CCDC93: variants seen among roughly 807,000 people sequenced by gnomAD.
The protein encoded by CCDC93 is coiled-coil domain-containing protein 93.
CCDC93 carries 61 observed loss-of-function variants against 108.2 expected under a neutral mutation model. The observed-to-expected ratio is 0.56, with a 90% CI of 0.46 to 0.70. CCDC93 has a LOEUF of 0.70. Among genes scored for constraint, CCDC93 ranks in the 30% least tolerant of loss-of-function variants. The probability of loss-of-function intolerance (pLI) is 0.00; values close to 1 mark genes in which losing one functional copy is unlikely to be tolerated. For synonymous variants in CCDC93, 276 were observed against 260.4 expected, an observed-to-expected ratio of 1.06 and a Z score of -0.58; for missense variants, 685 against 764.2, an observed-to-expected ratio of 0.90 and a Z score of 1.22.
At position 117,917,273 on chromosome 2, in the gene CCDC93, G is replaced by C. The variant is rs894716318; in HGVS notation, c.*3070C>G. 6.6e-6 allele frequency: 1 copy of C among 152,614 alleles called. No individual in the cohort carries two copies. The allele number at this position is 152,614 out of a possible 1,614,324, so 9.5% of individuals were successfully genotyped here. On this transcript the variant is annotated 3_prime_UTR_variant, in exon 24 of 24. Coordinates refer to ENST00000376300, the MANE Select transcript of CCDC93 (RefSeq NM_019044.5). Reference sequence around the variant, plus strand: ...TGCTTCGGTCACTAGAGACGTACTGGGGCCTGACAACATCAACAACGTCAC... The same window carrying C: ...TGCTTCGGTCACTAGAGACGTACTGCGGCCTGACAACATCAACAACGTCAC...
intron 21 of CCDC93, among the ~76,000 whole-genome samples, chr2:117,936,132 CAG>C (rs1470023417): frequency 1.3e-5 from 2 of 151,330 alleles, no homozygotes; most frequent in East Asian, 4.1e-4. Flanking sequence ...AGATTTGTGC[CAG>C]AGAGAAGGGC....
At chr2:118,005,323 T>TG (rs962367975) in intron 3 of CCDC93, among the ~76,000 whole-genome samples, 1 of 151,836 alleles carries the variant, frequency 6.6e-6, no homozygotes, top group African/African-American at 2.4e-5. Flanking sequence ...CAAGAAATGG[T>TG]AAAACTAGCA....
intron 18 of CCDC93, among the ~76,000 whole-genome samples, chr2:117,942,868 TC>T (rs1408778833): frequency 6.6e-6 from 1 of 152,228 alleles, no homozygotes; most frequent in Non-Finnish European, 1.5e-5. Context: ...CAAACAGATC[TC>T]ATTAACACTC....
chr2:117,924,812 C>T (rs1006303261), intron 23 of CCDC93, among the ~76,000 whole-genome samples: 2 of 152,104 alleles, frequency 1.3e-5, no homozygotes, highest in Non-Finnish European at 2.9e-5. Flanking sequence ...AGAGCAACTC[C>T]AAGACACATA....
At chr2:117,996,969 C>T (rs62161849) in intron 4 of CCDC93, 7,223 of 152,422 alleles carry the variant, frequency 0.047, 243 homozygotes, top group Non-Finnish European at 0.072. Flanking sequence ...TCTTAATCCT[C>T]ACAATGTCGG....
At chr2:117,974,565 C>T (rs1390351565) in intron 10 of CCDC93, among the ~76,000 whole-genome samples, 3 of 152,168 alleles carry the variant, frequency 2.0e-5, no homozygotes, top group Non-Finnish European at 2.9e-5. Flanking sequence ...CAGCATGAGG[C>T]ATAACTCACG....
chr2:117,949,773 A>C (rs1678994580), intron 13 of CCDC93: 1 of 985,412 alleles, frequency 1.0e-6, no homozygotes, highest in Non-Finnish European at 1.2e-6. Flanking sequence ...CACAACTTGC[A>C]GCCACCCCTT....
chr2:117,959,142 GTGAAT>G (rs1202153463), intron 11 of CCDC93, among the ~76,000 whole-genome samples: 1 of 152,178 alleles, frequency 6.6e-6, no homozygotes, highest in Non-Finnish European at 1.5e-5. Flanking sequence ...AGATGATGAG[GTGAAT>G]GTGATAACAT....
intron 10 of CCDC93, 93 bp downstream of exon 10, chr2:117,974,754 GGCA>G (rs1248567328): frequency 1.2e-6 from 1 of 861,254 alleles, no homozygotes; most frequent in Non-Finnish European, 1.9e-6. Context: ...GCTGGTGAGA[GGCA>G]GCTCCGGAGA....
intron 1 of CCDC93, among the ~76,000 whole-genome samples, chr2:118,013,736 G>A (rs1013355354): frequency 2.0e-5 from 3 of 151,884 alleles, no homozygotes; most frequent in African/African-American, 4.8e-5. Context: ...CCCGGGAGCG[G>A]CTTAAGTTTG....
At chr2:117,983,835 G>A (rs369978283) in intron 7 of CCDC93, among the ~76,000 whole-genome samples, 1 of 152,020 alleles carries the variant, frequency 6.6e-6, no homozygotes, top group South Asian at 2.1e-4. Context: ...TATCTGATTT[G>A]CTCTGTCAGT....
chr2:117,958,562 G>A (rs1679290922), intron 11 of CCDC93, 81 bp from the exon 12 acceptor site: 1 of 854,212 alleles, frequency 1.2e-6, no homozygotes, highest in Non-Finnish European at 2.0e-6. Flanking sequence ...TTCAATGTGG[G>A]CAAAGCAGTA....
intron 5 of CCDC93, among the ~76,000 whole-genome samples, chr2:117,996,009 T>C (rs564449054): frequency 1.1e-4 from 16 of 152,058 alleles, no homozygotes; most frequent in Non-Finnish European, 1.8e-4. Flanking sequence ...GCAAGTGGCC[T>C]CTCAAAAAAC....
chr2:118,006,905 A>C (rs1043802048), intron 2 of CCDC93, 89 bp from the exon 3 acceptor site: 3 of 752,530 alleles, frequency 4.0e-6, no homozygotes, highest in Non-Finnish European at 7.0e-6. Flanking sequence ...AAATAGCTCT[A>C]ATAGACTCAG....
chr2:118,011,194 A>G (rs1274262541), intron 1 of CCDC93, among the ~76,000 whole-genome samples: 1 of 64,388 alleles, frequency 1.6e-5, no homozygotes, highest in Non-Finnish European at 3.1e-5. Context: ...CAGTGATCAC[A>G]TCCCTGACAA....
At chr2:118,003,381 T>C (rs1326390087) in intron 3 of CCDC93, among the ~76,000 whole-genome samples, 1 of 152,234 alleles carries the variant, frequency 6.6e-6, no homozygotes, top group Admixed American at 6.5e-5. Flanking sequence ...CTGGTACTGC[T>C]GCCTAAACTC....
Position 117,981,794 on chromosome 2 carries a change from G to A in CCDC93, c.621-3764C>T, listed in dbSNP as rs140832175. Among the ~76,000 whole-genome samples, 37 of 152,152 alleles carry A rather than the reference G, an allele frequency of 2.4e-4. No individual in the cohort carries two copies. The South Asian group carries it at 4.6e-3, about 19-fold the overall frequency. On this transcript the variant is annotated intron_variant, in intron 7 of 23. Coordinates refer to ENST00000376300, the MANE Select transcript of CCDC93 (RefSeq NM_019044.5). ...ATTCTGTTCCTGAGCCACACTAGTC[G>A]CATTTCAATTGCTCAATAGCCACAT...
In CCDC93 at chr2:117,923,295, C is replaced by T. The variant is rs1050991463; in HGVS notation, c.1843-2899G>A. On this transcript the variant is annotated intron_variant, in intron 23 of 23. Transcript: ENST00000376300. Reference sequence around the variant, plus strand: ...AAGACAGCGCGTGCAGTGCACTCAGCGTTAGCCGAGGCAGGGTGAGGCATC... The same window carrying T: ...AAGACAGCGCGTGCAGTGCACTCAGTGTTAGCCGAGGCAGGGTGAGGCATC... Among the ~76,000 whole-genome samples the T allele has an allele frequency of 5.9e-5, 9 of 152,082 alleles. No individual in the cohort carries two copies. In the East Asian group the frequency reaches 7.7e-4, roughly 13 times the overall value.
chr2:117,930,124 T>C (rs3771935), intron 23 of CCDC93, among the ~76,000 whole-genome samples: 55,534 of 152,052 alleles, frequency 0.37, 10,936 homozygotes, highest in African/African-American at 0.49. Flanking sequence ...TAAGGAAATA[T>C]GTAGAAGACA....
Sources: gnomAD v4.1 joint callset for allele counts (sites outside exome capture counted in the v4.1 genomes callset) on GRCh38, gnomAD v4.1.1 for gene constraint, MANE v1.5 for transcripts, NCBI Gene and HGNC (gene_info 2026-07-23, HGNC 2026-07-21) for gene names.